Variants in ROCK1 observed in about 807,000 individuals in gnomAD.
The protein encoded by ROCK1 is Rho associated coiled-coil containing protein kinase 1, also known as rho-associated protein kinase 1.
ROCK1 carries 36 observed loss-of-function variants against 196.8 expected under a neutral mutation model. The ratio of observed to expected loss-of-function variants is 0.18; its 90% confidence interval spans 0.14 to 0.24. The LOEUF (loss-of-function observed/expected upper bound fraction) is 0.24, where lower values mean the gene tolerates loss of function less well. Ranked by LOEUF, ROCK1 falls within the 10% of genes least tolerant of loss-of-function variation. ROCK1 has a pLI of 1.00. For missense variants in ROCK1, 920 were observed against 1,562.0 expected (o/e 0.59, Z 6.93); for synonymous variants, 443 against 515.9 (o/e 0.86, Z 1.91).
chr18:21,027,092 C>T (rs539305130), intron 10 of ROCK1, among the ~76,000 whole-genome samples: 8 of 152,198 alleles, frequency 5.3e-5, no homozygotes, highest in Non-Finnish European at 7.4e-5. Context: ...GCATACGCCA[C>T]GACACCTGGC....
chr18:20,973,467 G>A (rs1170504743), intron 22 of ROCK1, among the ~76,000 whole-genome samples: 7 of 151,764 alleles, frequency 4.6e-5, no homozygotes, highest in African/African-American at 1.5e-4. Context: ...TAGTAGAGAC[G>A]GGGTTTCACC....
At chr18:21,015,300 T>C in intron 13 of ROCK1, 131 bp downstream of exon 13, 1 of 691,970 alleles carries the variant, frequency 1.4e-6, no homozygotes, top group Non-Finnish European at 2.6e-6. Context: ...AAGGTGAGGC[T>C]TTCATCACAA....
chr18:20,968,463 C>T (rs149672165), intron 25 of ROCK1: 2,840 of 237,004 alleles, frequency 0.012, 78 homozygotes, highest in African/African-American at 0.058. Flanking sequence ...CGCACCACCA[C>T]GCCCGGCTAA....
At chr18:21,071,103 G>C (rs2036380503) in intron 1 of ROCK1, among the ~76,000 whole-genome samples, 1 of 151,500 alleles carries the variant, frequency 6.6e-6, no homozygotes, top group African/African-American at 2.4e-5. Flanking sequence ...ATTGTCATGG[G>C]TCTTCTTTCT....
At chr18:21,026,445 G>GAAAAAAAA (rs747563785) in intron 10 of ROCK1, among the ~76,000 whole-genome samples, 1 of 35,308 alleles carries the variant, frequency 2.8e-5, no homozygotes, top group African/African-American at 1.1e-4. Flanking sequence ...ACTCTGTCTC[G>GAAAAAAAA]AAAAAAAAAA....
intron 26 of ROCK1, among the ~76,000 whole-genome samples, chr18:20,967,462 T>C (rs1319795456): frequency 6.6e-6 from 1 of 152,168 alleles, no homozygotes; most frequent in Non-Finnish European, 1.5e-5. Context: ...AGGTTCTCAA[T>C]TTTGTTCTAT....
chr18:21,105,018 TCTAGACTAA>T (rs2036691938), intron 1 of ROCK1, among the ~76,000 whole-genome samples: 1 of 152,184 alleles, frequency 6.6e-6, no homozygotes, highest in Non-Finnish European at 1.5e-5. Context: ...AATATCAACT[TCTAGACTAA>T]GCACACTGAC....
intron 9 of ROCK1, among the ~76,000 whole-genome samples, chr18:21,038,289 T>C (rs1460109088): frequency 6.6e-6 from 1 of 152,146 alleles, no homozygotes; most frequent in Non-Finnish European, 1.5e-5. Context: ...TTTCCTAGTA[T>C]ATAATTGCTA....
chr18:21,080,920 A>G (rs2143569428), intron 1 of ROCK1, among the ~76,000 whole-genome samples: 1 of 152,326 alleles, frequency 6.6e-6, no homozygotes, highest in East Asian at 1.9e-4. Context: ...AAATAGTTGG[A>G]GATTTCAATA....
intron 16 of ROCK1, among the ~76,000 whole-genome samples, chr18:21,000,528 G>A (rs932510637): frequency 3.9e-5 from 6 of 152,184 alleles, no homozygotes; most frequent in African/African-American, 1.4e-4. Flanking sequence ...CTCCCAAAGT[G>A]CTGGGATTAC....
At chr18:20,973,070 G>A (rs942869010) in intron 22 of ROCK1, among the ~76,000 whole-genome samples, 3 of 151,598 alleles carry the variant, frequency 2.0e-5, no homozygotes, top group Admixed American at 6.6e-5. Flanking sequence ...GTACAGATGG[G>A]GTTTCTCCAT....
Position 20,960,311 on chromosome 18 carries a change from TA to T in ROCK1, c.3353-106del, listed in dbSNP as rs201766120. ...GCAGCAACAAGCAATTGAACACAACTAAATGAATAAGTGCTATAATTTGCTC... is the reference window on the plus strand; with the variant it reads ...GCAGCAACAAGCAATTGAACACAACTAATGAATAAGTGCTATAATTTGCTC... On this transcript the variant is annotated intron_variant, in intron 27 of 32. Transcript: ENST00000399799. 3.1e-3 allele frequency: 2,210 copies of T among 714,564 alleles called. 33 individuals are homozygous for T. The African/African-American group carries it at 0.035, about 11-fold the overall frequency. The allele number at this position is 714,564 out of a possible 1,614,324, so 44.3% of individuals were successfully genotyped here. A position where few individuals can be genotyped will look rare whatever the true frequency, so the allele number is the denominator to read the frequency against.
intron 27 of ROCK1, among the ~76,000 whole-genome samples, chr18:20,966,143 G>A (rs562379400): frequency 6.6e-6 from 1 of 152,222 alleles, no homozygotes; most frequent in East Asian, 1.9e-4. Context: ...TCTGAACTAA[G>A]ACTCTGTGTA....
intron 1 of ROCK1, among the ~76,000 whole-genome samples, chr18:21,100,393 T>C (rs1364518935): frequency 6.7e-6 from 1 of 148,854 alleles, no homozygotes; most frequent in East Asian, 2.0e-4. Flanking sequence ...AGTACCTTAC[T>C]GCAGCAAAAA....
chr18:20,995,820 C>CA (rs2035665886), intron 16 of ROCK1, among the ~76,000 whole-genome samples: 1 of 152,198 alleles, frequency 6.6e-6, no homozygotes, highest in Admixed American at 6.5e-5. Context: ...TAAGAGTCTG[C>CA]AAGAGCCACA....
chr18:20,996,829 T>A (rs913650951), intron 16 of ROCK1, among the ~76,000 whole-genome samples: 5 of 152,208 alleles, frequency 3.3e-5, no homozygotes, highest in African/African-American at 1.2e-4. Flanking sequence ...AGTTTTCTCT[T>A]TGCTTGTTTG....
intron 20 of ROCK1, among the ~76,000 whole-genome samples, chr18:20,983,550 C>G (rs939412128): frequency 1.3e-5 from 2 of 151,886 alleles, no homozygotes; most frequent in Non-Finnish European, 2.9e-5. Context: ...AATCTAGCGG[C>G]TAGACTTTCA....
At chr18:21,105,148 T>G (rs2143607343) in intron 1 of ROCK1, among the ~76,000 whole-genome samples, 1 of 152,338 alleles carries the variant, frequency 6.6e-6, no homozygotes, top group East Asian at 1.9e-4. Flanking sequence ...AACAATCTAG[T>G]ACTTTTATCC....
At chr18:21,049,910 A>C in intron 2 of ROCK1, 30 bp from the exon 3 acceptor site, 6 of 1,314,220 alleles carry the variant, frequency 4.6e-6, no homozygotes, top group Non-Finnish European at 6.4e-6. Context: ...TATCATTTTA[A>C]ATCACTAAAG....
Sources: allele counts gnomAD v4.1 joint callset (sites outside exome capture counted in the v4.1 genomes callset), GRCh38; gene constraint gnomAD v4.1.1; transcripts MANE v1.5; gene names NCBI Gene and HGNC (gene_info 2026-07-23, HGNC 2026-07-21).